Variants in RCOR1 observed in about 807,000 individuals in gnomAD.
RCOR1 encodes REST corepressor 1.
A neutral mutation model predicts 64.0 loss-of-function variants in RCOR1; 12 were observed. The ratio of observed to expected loss-of-function variants is 0.19; its 90% CI spans 0.12 to 0.30. RCOR1 has a LOEUF of 0.30. Ranked by LOEUF, RCOR1 falls within the 10% of genes least tolerant of loss-of-function variation. The pLI is 1.00. For synonymous variants in RCOR1, 279 were observed against 227.2 expected, an observed-to-expected ratio of 1.23 and a Z score of -2.05; for missense variants, 502 against 621.2, an observed-to-expected ratio of 0.81 and a Z score of 2.04.
chr14:102,614,293 C>T (rs887160869), intron 2 of RCOR1, among the ~76,000 whole-genome samples: 1 of 147,626 alleles, frequency 6.8e-6, no homozygotes, highest in African/African-American at 2.5e-5. Context: ...GGCGCCATCT[C>T]GGCTCACTGC....
chr14:102,665,175 C>T (rs761575728), intron 2 of RCOR1, among the ~76,000 whole-genome samples: 25 of 151,930 alleles, frequency 1.6e-4, no homozygotes, highest in Non-Finnish European at 2.2e-4. Flanking sequence ...CTGACTAATT[C>T]TGTGTTTTTA....
At chr14:102,647,510 G>A (rs1894501160) in intron 2 of RCOR1, among the ~76,000 whole-genome samples, 1 of 151,864 alleles carries the variant, frequency 6.6e-6, no homozygotes, top group South Asian at 2.1e-4. Context: ...TAGAGACGGG[G>A]TTTCCCCACC....
In RCOR1 at chr14:102,592,678, A is replaced by G. The variant is rs2139869721; in HGVS notation, c.-209A>G. On this transcript the variant is annotated 5_prime_UTR_variant, in exon 1 of 12. Transcript: ENST00000262241. ...CCAGTGAAGTGAGGGCGGCGATGAG[A>G]GCGAAAGTTGCGCTCGGCTCGTCGC... The G allele has an allele frequency of 8.2e-7, 1 of 1,226,350 alleles. No individual in the cohort carries two copies. Among genetic ancestry groups the G allele is most frequent in the South Asian group, 4.1e-5 (1 of 24,240 alleles). The allele number at this position is 1,226,350 out of a possible 1,614,324, so 76.0% of individuals were successfully genotyped here. A position where few individuals can be genotyped will look rare whatever the true frequency, so the allele number is the denominator to read the frequency against.
At chr14:102,649,209 G>T (rs1381570916) in intron 2 of RCOR1, among the ~76,000 whole-genome samples, 3 of 152,054 alleles carry the variant, frequency 2.0e-5, no homozygotes, top group Non-Finnish European at 2.9e-5. Flanking sequence ...TACAAGAATG[G>T]ACTTACAACA....
rs1046143421 is a variant in RCOR1 at position 102,708,175 on chromosome 14, C to T, written c.661-290C>T. ...AAAGACAGGATTTCACCATGTTGGC[C>T]AGGATGGTCTCGATCTCTTGACCTC... On this transcript the variant is annotated intron_variant, in intron 5 of 11. Transcript: ENST00000262241. Among the ~76,000 whole-genome samples, 19 of 152,298 alleles carry T rather than the reference C, an allele frequency of 1.2e-4. No individual in the cohort carries two copies. In the South Asian group the frequency reaches 2.9e-3, roughly 23 times the overall value.
chr14:102,701,273 T>C lies in RCOR1; in HGVS notation c.446-5T>C. On this transcript the variant is annotated splice_polypyrimidine_tract_variant and splice_region_variant and intron_variant, in intron 3 of 11. Transcript: ENST00000262241. The stretch of plus-strand genomic sequence containing the variant: ...TGTTTAATGGCATCTCTTCTTGTTT[T>C]TCAGTGGATGAATACATTGCCATTG... 2 of 1,612,364 alleles carry C rather than the reference T, an allele frequency of 1.2e-6. No homozygotes were observed. Among genetic ancestry groups the C allele is most frequent in the East Asian group, 2.2e-5 (1 of 44,834 alleles).
At position 102,646,090 on chromosome 14, in the gene RCOR1, A is replaced by G. The variant is rs149032825; in HGVS notation, c.362-35805A>G. ...TCTAGGGGAGGAAAACAGACCTCAT[A>G]TCTTAGTGTCAGTTGGCCACACTGT... is the stretch of plus-strand genomic sequence containing the variant. On this transcript the variant is annotated intron_variant, in intron 2 of 11. Coordinates refer to ENST00000262241, the MANE Select transcript of RCOR1 (RefSeq NM_015156.4). Among the ~76,000 whole-genome samples the G allele has an allele frequency of 1.4e-3, 212 of 152,290 alleles. 5 individuals carry two copies. In the South Asian group the frequency reaches 0.033, roughly 24 times the overall value.
At chr14:102,631,479 A>C (rs1267656248) in intron 2 of RCOR1, among the ~76,000 whole-genome samples, 2 of 152,012 alleles carry the variant, frequency 1.3e-5, no homozygotes, top group African/African-American at 4.8e-5. Context: ...CTGGGATTAC[A>C]GGTGTGAGCC....
intron 3 of RCOR1, among the ~76,000 whole-genome samples, chr14:102,689,944 C>T (rs991781123): frequency 1.3e-5 from 2 of 152,122 alleles, no homozygotes; most frequent in Non-Finnish European, 2.9e-5. Context: ...GGGGTTTCAC[C>T]ATGTTGGCCA....
intron 3 of RCOR1, among the ~76,000 whole-genome samples, chr14:102,682,750 C>A (rs1895332152): frequency 6.6e-6 from 1 of 152,124 alleles, no homozygotes; most frequent in South Asian, 2.1e-4. Flanking sequence ...AACCTTTATG[C>A]CAGCACAGTA....
chr14:102,703,799 G>A (rs954929636), intron 4 of RCOR1, among the ~76,000 whole-genome samples: 1 of 152,218 alleles, frequency 6.6e-6, no homozygotes, highest in African/African-American at 2.4e-5. Context: ...CATTCATAAA[G>A]CCATGGAAGC....
At chr14:102,614,577 T>C (rs1893711855) in intron 2 of RCOR1, among the ~76,000 whole-genome samples, 1 of 152,136 alleles carries the variant, frequency 6.6e-6, no homozygotes, top group East Asian at 1.9e-4. Flanking sequence ...TGAATTAAGA[T>C]TTTATATGTC....
intron 2 of RCOR1, chr14:102,650,988 T>C (rs1053186455): frequency 4.7e-6 from 4 of 859,178 alleles, no homozygotes; most frequent in Non-Finnish European, 5.6e-6. Flanking sequence ...CATAATAGAA[T>C]ACAGGTATCT....
chr14:102,700,230 T>A (rs1895730382), intron 3 of RCOR1, among the ~76,000 whole-genome samples: 1 of 152,190 alleles, frequency 6.6e-6, no homozygotes, highest in Non-Finnish European at 1.5e-5. Context: ...CTTTTCCCTT[T>A]TTCTTTTTTT....
intron 2 of RCOR1, among the ~76,000 whole-genome samples, chr14:102,677,215 C>T (rs565195146): frequency 4.3e-5 from 6 of 139,664 alleles, no homozygotes; most frequent in African/African-American, 1.4e-4. Context: ...GGGGCTGACC[C>T]CCCCTCCCCC....
chr14:102,616,118 C>A (rs1162143337), intron 2 of RCOR1, among the ~76,000 whole-genome samples: 1 of 152,086 alleles, frequency 6.6e-6, no homozygotes, highest in African/African-American at 2.4e-5. Flanking sequence ...CCTGCAGATA[C>A]CTCCTTGACT....
At chr14:102,659,210 C>T in intron 2 of RCOR1, 1 of 984,344 alleles carries the variant, frequency 1.0e-6, no homozygotes. Context: ...AGATAAATTA[C>T]TGCAATTTTA....
intron 2 of RCOR1, among the ~76,000 whole-genome samples, chr14:102,665,771 C>G (rs1346845599): frequency 6.6e-6 from 1 of 152,168 alleles, no homozygotes; most frequent in Non-Finnish European, 1.5e-5. Context: ...CAAATGTGGA[C>G]TACAACAGTT....
At chr14:102,662,538 G>A (rs1595218391) in intron 2 of RCOR1, 2 of 496,752 alleles carry the variant, frequency 4.0e-6, no homozygotes, top group Non-Finnish European at 3.9e-6. Flanking sequence ...GGATATTTGG[G>A]CTGCCCCTGG....
Sources: gnomAD v4.1 joint callset for allele counts (sites outside exome capture counted in the v4.1 genomes callset) on GRCh38, gnomAD v4.1.1 for gene constraint, MANE v1.5 for transcripts, NCBI Gene and HGNC (gene_info 2026-07-23, HGNC 2026-07-21) for gene names.